Variants in PAK3 observed in about 807,000 individuals in gnomAD.
PAK3 encodes p21 (RAC1) activated kinase 3, also known as serine/threonine-protein kinase PAK 3.
A neutral mutation model predicts 41.0 loss-of-function variants in PAK3; 4 were observed. That is an observed-to-expected ratio of 0.10 (90% CI 0.05 to 0.22). The LOEUF is 0.22. PAK3 is among the 10% of genes least tolerant of loss of function. The pLI, the probability that PAK3 is intolerant of heterozygous loss-of-function variation, is 1.00. For synonymous variants in PAK3, 146 were observed against 139.6 expected (o/e 1.05, Z -0.32); for missense variants, 205 against 409.9 (o/e 0.50, Z 4.32).
intron 4 of PAK3, among the ~76,000 whole-genome samples, chrX:111,120,227 T>A (rs776601781): frequency 8.9e-5 from 10 of 112,294 alleles, no homozygotes; most frequent in Non-Finnish European, 1.7e-4. Context: ...CTTTGCAGAA[T>A]GTCTGTGATA....
At chrX:111,087,752 CAAAAAAAAAAAAACAA>C (rs767114338) in intron 1 of PAK3, among the ~76,000 whole-genome samples, 73 of 69,464 alleles carry the variant, frequency 1.1e-3, no homozygotes, top group South Asian at 3.9e-3. Context: ...ACAGGGACTG[CAAAAAAAAAAAAACAA>C]AAAAAAAAAA....
intron 1 of PAK3, among the ~76,000 whole-genome samples, chrX:110,954,079 C>T (rs777785272): frequency 9.0e-6 from 1 of 111,416 alleles, no homozygotes; most frequent in African/African-American, 3.3e-5. Context: ...GATCTTATTT[C>T]CTTCAGCCAT....
At chrX:111,211,512 C>T (rs1225824309) in intron 16 of PAK3, among the ~76,000 whole-genome samples, 1 of 108,966 alleles carries the variant, frequency 9.2e-6, no homozygotes. Context: ...CCTGTCTCTA[C>T]TAAAAATGCA....
chrX:111,002,449 A>C (rs2148690852), intron 1 of PAK3, among the ~76,000 whole-genome samples: 1 of 111,668 alleles, frequency 9.0e-6, no homozygotes, highest in South Asian at 3.8e-4. Context: ...GGTCTCCAAG[A>C]GGGAAGGCAT....
chrX:111,219,301 TAAA>T (rs907233785), intron 17 of PAK3, among the ~76,000 whole-genome samples: 2 of 108,776 alleles, frequency 1.8e-5, no homozygotes. Flanking sequence ...ATTTAGAACA[TAAA>T]GAAGAGGAAG....
chrX:111,149,595 G>A (rs767628048), intron 7 of PAK3, among the ~76,000 whole-genome samples: 10 of 112,387 alleles, frequency 8.9e-5, no homozygotes, highest in African/African-American at 3.2e-4. Context: ...TCAACACCAC[G>A]TGGAAGCTGC....
At chrX:110,975,260 G>A in intron 1 of PAK3, among the ~76,000 whole-genome samples, 1 of 112,215 alleles carries the variant, frequency 8.9e-6, no homozygotes. Context: ...CTTCAGCAAA[G>A]TCTCAGGATA....
chrX:111,098,604 A>G (rs1266416703), intron 3 of PAK3: 5 of 110,797 alleles, frequency 4.5e-5, no homozygotes, highest in Non-Finnish European at 9.4e-5. Flanking sequence ...AAGAAACTCA[A>G]TGAGCAGCAG....
At chrX:111,154,707 A>G (rs759544843) in intron 8 of PAK3, among the ~76,000 whole-genome samples, 7 of 110,700 alleles carry the variant, frequency 6.3e-5, no homozygotes, top group Non-Finnish European at 1.1e-4. Context: ...CTTCTTTGCC[A>G]TGACAGCTTC....
rs755010722 is a variant in PAK3 at position 111,191,846 on chromosome X, C to T, written c.831-281C>T. On this transcript the variant is annotated intron_variant, in intron 11 of 17. Coordinates refer to ENST00000372007, the MANE Select transcript of PAK3 (RefSeq NM_002578.5). ...AGTGCCAGAAAATCTGACTGGAGTTCCTAGTCCACCACAAGGGATACATTG... is the reference window on the plus strand; with the variant it reads ...AGTGCCAGAAAATCTGACTGGAGTTTCTAGTCCACCACAAGGGATACATTG... Among the ~76,000 whole-genome samples, 9 of 111,455 alleles carry T rather than the reference C, an allele frequency of 8.1e-5. No individual in the cohort carries two copies. In the South Asian group the frequency reaches 3.5e-3, roughly 43 times the overall value.
intron 1 of PAK3, among the ~76,000 whole-genome samples, chrX:110,978,290 T>C (rs1478634508): frequency 9.0e-6 from 1 of 111,559 alleles, no homozygotes; most frequent in Admixed American, 9.5e-5. Context: ...ATTTGGCTAT[T>C]TTTTTGTTTT....
At chrX:111,072,788 C>T (rs1445583341) in intron 1 of PAK3, among the ~76,000 whole-genome samples, 3 of 112,010 alleles carry the variant, frequency 2.7e-5, no homozygotes, top group Non-Finnish European at 5.6e-5. Context: ...GTTTGAAAGT[C>T]TGAGCTAGGG....
At chrX:111,049,105 AC>A (rs1297119787) in intron 1 of PAK3, among the ~76,000 whole-genome samples, 1 of 111,409 alleles carries the variant, frequency 9.0e-6, no homozygotes, top group Non-Finnish European at 1.9e-5. Flanking sequence ...AGGCCTCTGC[AC>A]TGCTCTTTTC....
intron 1 of PAK3, among the ~76,000 whole-genome samples, chrX:110,990,763 C>A (rs1233557413): frequency 9.0e-6 from 1 of 110,863 alleles, no homozygotes; most frequent in Non-Finnish European, 1.9e-5. Flanking sequence ...TAGTGGCTCT[C>A]AGATTATTGC....
At chrX:111,118,360 G>A (rs745339131) in intron 4 of PAK3, among the ~76,000 whole-genome samples, 3 of 111,222 alleles carry the variant, frequency 2.7e-5, no homozygotes, top group South Asian at 3.8e-4. Flanking sequence ...TAGCCATCTC[G>A]AAAATGTATG....
intron 16 of PAK3, among the ~76,000 whole-genome samples, chrX:111,208,183 G>A (rs746154821): frequency 8.9e-6 from 1 of 112,620 alleles, no homozygotes; most frequent in East Asian, 2.8e-4. Context: ...TATAGGATAA[G>A]GATATTTAAA....
chrX:111,097,934 A>G (rs1037410361), intron 3 of PAK3, among the ~76,000 whole-genome samples: 33 of 111,505 alleles, frequency 3.0e-4, no homozygotes, highest in African/African-American at 1.0e-3. Flanking sequence ...GCAAGAGCTG[A>G]CAGCTGAGAA....
At chrX:111,057,085 A>G (rs1317327020) in intron 1 of PAK3, among the ~76,000 whole-genome samples, 2 of 111,802 alleles carry the variant, frequency 1.8e-5, no homozygotes, top group Non-Finnish European at 3.8e-5. Flanking sequence ...TAATATCCAG[A>G]ATCTACAAGG....
intron 1 of PAK3, among the ~76,000 whole-genome samples, chrX:111,035,836 T>G: frequency 8.9e-6 from 1 of 112,131 alleles, no homozygotes; most frequent in Non-Finnish European, 1.9e-5. Flanking sequence ...TTCTCAAGAT[T>G]AGCTTGTTTA....
Sources: allele counts gnomAD v4.1 joint callset (sites outside exome capture counted in the v4.1 genomes callset), GRCh38; gene constraint gnomAD v4.1.1; transcripts MANE v1.5; gene names NCBI Gene and HGNC (gene_info 2026-07-23, HGNC 2026-07-21).